ABCB11: variants seen among roughly 807,000 people sequenced by gnomAD.
ABCB11 encodes ATP binding cassette subfamily B member 11.
A neutral mutation model predicts 148.0 loss-of-function variants in ABCB11; 95 were observed. That is an observed-to-expected ratio of 0.64 (90% CI 0.54 to 0.76). The LOEUF is 0.76. ABCB11 is among the 30% of genes least tolerant of loss of function. The pLI is 0.00. For synonymous variants in ABCB11, 591 were observed against 555.4 expected (o/e 1.06, Z -0.90); for missense variants, 1,523 against 1,617.8 (o/e 0.94, Z 1.01).
downstream of ABCB11, among the ~76,000 whole-genome samples, chr2:168,917,780 C>T (rs752135108): frequency 3.3e-5 from 5 of 152,144 alleles, no homozygotes; most frequent in Non-Finnish European, 7.4e-5. Flanking sequence ...GAGATTCAGA[C>T]TAGAGAATTC....
intron 21 of ABCB11, among the ~76,000 whole-genome samples, chr2:168,942,278 A>T (rs1400161201): frequency 1.3e-5 from 2 of 151,838 alleles, no homozygotes; most frequent in African/African-American, 4.8e-5. Context: ...CTCTCAGGAA[A>T]ATTTAGTATC....
intron 25 of ABCB11, among the ~76,000 whole-genome samples, chr2:168,928,313 C>T (rs1032460890): frequency 6.6e-6 from 1 of 152,126 alleles, no homozygotes; most frequent in African/African-American, 2.4e-5. Context: ...AAATGTGCTA[C>T]ATTGTAAGCT....
chr2:168,923,543 T>G lies in ABCB11; in HGVS notation c.*79A>C. 1 of 1,306,066 alleles carries G rather than the reference T, an allele frequency of 7.7e-7. No homozygotes were observed. Among genetic ancestry groups the G allele is most frequent in the Non-Finnish European group, 1.1e-6 (1 of 908,140 alleles). The allele number at this position is 1,306,066 out of a possible 1,614,324, so 80.9% of individuals were successfully genotyped here. ...AAGAAAAAACAATCCCAGCAATCCC[T>G]CCTGCTGGGATTGTTTTTTTCTTTA... On this transcript the variant is annotated 3_prime_UTR_variant, in exon 28 of 28. Transcript: ENST00000650372.
At chr2:168,995,142 C>A (rs563949713) in intron 7 of ABCB11, among the ~76,000 whole-genome samples, 97 of 151,980 alleles carry the variant, frequency 6.4e-4, no homozygotes, top group Admixed American at 4.1e-3. Flanking sequence ...GTCTACACAC[C>A]AAATTGCAGT....
In ABCB11 at chr2:168,935,151, G is replaced by C. The variant is rs765145458; in HGVS notation, c.3056+33C>G. ...CCAGGCTATTCCTTCCTTGTGTGTTGATCTTTTCTCACCTTGGCTAGATAT... is the reference window on the plus strand; with the variant it reads ...CCAGGCTATTCCTTCCTTGTGTGTTCATCTTTTCTCACCTTGGCTAGATAT... On this transcript the variant is annotated intron_variant, in intron 23 of 27. Transcript: ENST00000650372. 8.1e-6 allele frequency: 13 copies of C among 1,611,692 alleles called. No homozygotes were observed. The South Asian group carries it at 1.3e-4, about 16-fold the overall frequency.
chr2:169,030,571 C>T (rs931980637), intron 1 of ABCB11, among the ~76,000 whole-genome samples: 1 of 152,148 alleles, frequency 6.6e-6, no homozygotes, highest in Admixed American at 6.5e-5. Flanking sequence ...GTCTTTTATT[C>T]CCAGTCTGAA....
At chr2:168,955,995 A>T (rs757957817) in intron 19 of ABCB11, among the ~76,000 whole-genome samples, 5 of 151,650 alleles carry the variant, frequency 3.3e-5, no homozygotes, top group Non-Finnish European at 7.4e-5. Flanking sequence ...CATCCAGGCC[A>T]CACTGATGCT....
chr2:168,975,821 A>G (rs964201939), intron 12 of ABCB11, among the ~76,000 whole-genome samples: 2 of 149,440 alleles, frequency 1.3e-5, no homozygotes, highest in African/African-American at 4.9e-5. Flanking sequence ...ACATATATAT[A>G]TGATAGGTAT....
At chr2:168,926,239 T>C (rs1044959388) in intron 26 of ABCB11, among the ~76,000 whole-genome samples, 2 of 152,120 alleles carry the variant, frequency 1.3e-5, no homozygotes, top group African/African-American at 4.8e-5. Flanking sequence ...AGAGTCAATA[T>C]TGCGCGAAAT....
rs530438893 is a variant in ABCB11, at chr2:168,982,154, C to G, written c.1084-2175G>C. Among the ~76,000 whole-genome samples, 4 of 152,198 alleles carry G rather than the reference C, an allele frequency of 2.6e-5. No homozygotes were observed. In the East Asian group the frequency reaches 7.7e-4, roughly 29 times the overall value. On this transcript the variant is annotated intron_variant, in intron 10 of 27. Transcript: ENST00000650372. Reference sequence around the variant, plus strand: ...GATGGGAAGGGAGACTGCTGTGGAACAATTAAGCTATGGGTGTGCTGGAGA... The same window carrying G: ...GATGGGAAGGGAGACTGCTGTGGAAGAATTAAGCTATGGGTGTGCTGGAGA...
At chr2:169,020,983 G>C (rs1437842146) in intron 1 of ABCB11, among the ~76,000 whole-genome samples, 2 of 148,722 alleles carry the variant, frequency 1.3e-5, no homozygotes, top group African/African-American at 5.0e-5. Context: ...TTTTTTCTGA[G>C]ACCAAGTCTT....
chr2:168,974,073 C>A (rs968559262), intron 12 of ABCB11, among the ~76,000 whole-genome samples: 1 of 151,824 alleles, frequency 6.6e-6, no homozygotes, highest in African/African-American at 2.4e-5. Context: ...GAGCCATGAC[C>A]AAGAAGTAAA....
At chr2:168,942,113 C>T (rs1313029497) in intron 21 of ABCB11, among the ~76,000 whole-genome samples, 1 of 151,676 alleles carries the variant, frequency 6.6e-6, no homozygotes. Flanking sequence ...GATAAGTATA[C>T]AAAAACTAAC....
intron 1 of ABCB11, 120 bp from the exon 2 acceptor site, chr2:169,018,272 A>G: frequency 1.2e-6 from 1 of 855,874 alleles, no homozygotes; most frequent in Admixed American, 2.7e-5. Context: ...AATCTCAGAC[A>G]AAAGTTTTAA....
chr2:168,981,188 A>G (rs1026450082), intron 10 of ABCB11, among the ~76,000 whole-genome samples: 2 of 152,066 alleles, frequency 1.3e-5, no homozygotes, highest in Non-Finnish European at 2.9e-5. Flanking sequence ...TGAACCATGG[A>G]AAGTGTCAGA....
downstream of ABCB11, among the ~76,000 whole-genome samples, chr2:168,919,683 G>A (rs1691021165): frequency 6.6e-6 from 1 of 151,888 alleles, no homozygotes; most frequent in South Asian, 2.1e-4. Flanking sequence ...GAGTAGAGGT[G>A]TTGAGACCTG....
Position 168,968,449 on chromosome 2 carries a change from C to A in ABCB11, c.2053G>T (p.Gly685Trp), listed in dbSNP as rs752319339. The A allele has an allele frequency of 1.2e-5, 19 of 1,611,134 alleles. No homozygotes were observed. In the East Asian group the frequency reaches 4.0e-4, roughly 34 times the overall value. Residue 685 changes from glycine to tryptophan, a missense_variant, in exon 17 of 28, where the codon GGG becomes TGG. Gly to Trp is a radical substitution (Grantham distance 184). Coordinates refer to ENST00000650372, the MANE Select transcript of ABCB11 (RefSeq NM_003742.4). ...DDMLARTFSR[G>W]SYQDSLRASI... ...TACCTTAAACTATCCTGGTAGCTCC[C>A]TCTGCTAAAGGTCCTCGCAAGCATG...
intron 19 of ABCB11, among the ~76,000 whole-genome samples, chr2:168,957,549 C>CA (rs899046992): frequency 1.3e-5 from 2 of 151,672 alleles, no homozygotes; most frequent in African/African-American, 4.8e-5. Context: ...AATTATACAT[C>CA]AAACACTAAC....
At position 168,927,630 on chromosome 2, in the gene ABCB11, G is replaced by A. The variant is rs74976532; in HGVS notation, c.3412-268C>T. Among the ~76,000 whole-genome samples, 1,496 of 152,206 alleles carry A rather than the reference G, an allele frequency of 9.8e-3. 24 individuals are homozygous for A. Among genetic ancestry groups the A allele is most frequent in the African/African-American group, 0.034 (1,401 of 41,526 alleles). ...TACAGGTGGGGCAAACGAGAAAGAC[G>A]CTCAGGTATTCAGGTAAGAAACAAC... On this transcript the variant is annotated intron_variant, in intron 25 of 27. Coordinates refer to ENST00000650372, the MANE Select transcript of ABCB11 (RefSeq NM_003742.4).
Sources: gnomAD v4.1 joint callset for allele counts (sites outside exome capture counted in the v4.1 genomes callset) on GRCh38, gnomAD v4.1.1 for gene constraint, MANE v1.5 for transcripts, NCBI Gene and HGNC (gene_info 2026-07-23, HGNC 2026-07-21) for gene names.